ODAD3: variants seen among roughly 807,000 people sequenced by gnomAD.
ODAD3 encodes the protein outer dynein arm-docking complex subunit 3.
ODAD3 carries 57 observed loss-of-function variants against 70.9 expected under a neutral mutation model. That is an observed-to-expected ratio of 0.80 (90% CI 0.65 to 1.00). The LOEUF is 1.00. ODAD3 is among the 50% of genes least tolerant of loss of function. ODAD3 has a pLI of 0.00. For missense variants in ODAD3, 797 were observed against 763.9 expected, an observed-to-expected ratio of 1.04 and a Z score of -0.51; for synonymous variants, 327 against 315.9, an observed-to-expected ratio of 1.04 and a Z score of -0.37.
chr19:11,434,205 CCT>C (rs1334110352), intron 1 of ODAD3, among the ~76,000 whole-genome samples: 1 of 147,668 alleles, frequency 6.8e-6, no homozygotes, highest in Admixed American at 6.7e-5. Flanking sequence ...AGAGCAAGAC[CCT>C]GTCTCAAAAA....
At position 11,430,576 on chromosome 19, in the gene ODAD3, AT is replaced by A. The variant is rs1257577710; in HGVS notation, c.444+122del. 57 of 896,728 alleles carry A rather than the reference AT, an allele frequency of 6.4e-5. No homozygotes were observed. In the Admixed American group the frequency reaches 1.0e-3, roughly 16 times the overall value. 55.5% of individuals were successfully genotyped at this position (896,728 alleles called of 1,614,324 possible). On this transcript the variant is annotated intron_variant, in intron 3 of 12. Coordinates refer to ENST00000356392, the MANE Select transcript of ODAD3 (RefSeq NM_145045.5). ...AAGGAAAGTGAGTAATAAAGATTTA[AT>A]TGAATGAGCACATGAATGGCAGCTA...
chr19:11,423,467 C>T (rs1028106651), intron 8 of ODAD3, among the ~76,000 whole-genome samples: 1 of 152,112 alleles, frequency 6.6e-6, no homozygotes, highest in Non-Finnish European at 1.5e-5. Flanking sequence ...GTGAGGGACC[C>T]GGCGCAGGGA....
In ODAD3 at chr19:11,426,975, C is replaced by G; in HGVS notation, c.510G>C (p.Gln170His). ...KVKQQNALRH[Q>H]VVLRQRRLEE... ...CCAGCCGCCTCTGCCGCAACACCAC[C>G]TGGTGCCGCAGGGCGTTCTGCTGCT... Residue 170 changes from glutamine (Q) to histidine (H), a missense_variant, in exon 4 of 13, where the codon CAG (glutamine) becomes CAC (histidine). By Grantham distance (24) the Gln-to-His change is conservative. Transcript: ENST00000356392. 1 of 1,607,822 alleles carries G rather than the reference C, an allele frequency of 6.2e-7. No homozygotes were observed. Among genetic ancestry groups the G allele is most frequent in the Non-Finnish European group, 8.5e-7 (1 of 1,179,652 alleles).
At position 11,422,453 on chromosome 19, in the gene ODAD3, C is replaced by T; in HGVS notation, c.1434+18G>A. ...GTCCCAGGAGGGCCTGTCGGGGCTT[C>T]CCCTGGGCGGGGCCTACCACAGTGA... is the stretch of plus-strand genomic sequence containing the variant. On this transcript the variant is annotated intron_variant, in intron 10 of 12. Coordinates refer to ENST00000356392, the MANE Select transcript of ODAD3 (RefSeq NM_145045.5). This position sits in a 1 kb window ranked among gnomAD's most constrained non-coding sequence, Gnocchi z 4.6. 1 of 1,555,624 alleles carries T rather than the reference C, an allele frequency of 6.4e-7. No individual in the cohort carries two copies. The highest frequency in any genetic ancestry group is 8.7e-7 in the Non-Finnish European group (1 of 1,148,692).
At chr19:11,431,663 G>A (rs865818058) in intron 1 of ODAD3, among the ~76,000 whole-genome samples, 5 of 151,516 alleles carry the variant, frequency 3.3e-5, no homozygotes, top group South Asian at 2.1e-4. Flanking sequence ...GGCCGGGCAC[G>A]GTGGCTCACG....
intron 7 of ODAD3, among the ~76,000 whole-genome samples, chr19:11,425,485 A>T (rs935068134): frequency 7.9e-5 from 11 of 139,190 alleles, no homozygotes; most frequent in Admixed American, 1.5e-4. Context: ...ATATGTGTGT[A>T]TATATGTATA....
intron 1 of ODAD3, among the ~76,000 whole-genome samples, chr19:11,433,093 C>T (rs1311105550): frequency 6.6e-6 from 1 of 152,126 alleles, no homozygotes; most frequent in Non-Finnish European, 1.5e-5. Flanking sequence ...CTCGCCCAGC[C>T]ATGATTACCT....
intron 3 of ODAD3, among the ~76,000 whole-genome samples, chr19:11,430,217 A>C (rs1267963655): frequency 6.6e-6 from 1 of 151,904 alleles, no homozygotes; most frequent in Non-Finnish European, 1.5e-5. Context: ...GGCTCACTGC[A>C]ACCTCTGCCT....
intron 3 of ODAD3, 151 bp downstream of exon 3, chr19:11,430,548 T>C: frequency 5.3e-6 from 4 of 758,598 alleles, no homozygotes; most frequent in Non-Finnish European, 9.1e-6. Context: ...GGATGCCAGA[T>C]ACAAGGAAAG....
intron 7 of ODAD3, among the ~76,000 whole-genome samples, chr19:11,425,816 G>GCAA (rs1156894491): frequency 6.6e-6 from 1 of 151,666 alleles, no homozygotes; most frequent in Non-Finnish European, 1.5e-5. Flanking sequence ...AGGGCCTTAG[G>GCAA]CAACGGTTGG....
chr19:11,431,113 C>CA, intron 1 of ODAD3, 93 bp from the exon 2 acceptor site: 1 of 1,255,664 alleles, frequency 8.0e-7, no homozygotes, highest in Non-Finnish European at 1.1e-6. Flanking sequence ...CAATCATCAA[C>CA]TTTTTTTTTT....
At chr19:11,425,435 GTA>G (rs1360496708) in intron 7 of ODAD3, among the ~76,000 whole-genome samples, 4 of 139,548 alleles carry the variant, frequency 2.9e-5, no homozygotes, top group African/African-American at 1.1e-4. Context: ...ACACATATGT[GTA>G]TATGTATATA....
chr19:11,435,672 G>A (rs1969680383), upstream of ODAD3: 1 of 1,301,624 alleles, frequency 7.7e-7, no homozygotes, highest in Non-Finnish European at 1.0e-6. Flanking sequence ...GGACAAGAGG[G>A]GTGCGGTGGA....
rs141756170 is a variant in ODAD3, at chr19:11,422,931, C to T, written c.1117-70G>A. 4.6e-5 allele frequency: 71 copies of T among 1,531,416 alleles called. No individual in the cohort carries two copies. The African/African-American group carries it at 8.6e-4, about 19-fold the overall frequency. The allele number at this position is 1,531,416 out of a possible 1,614,324, so 94.9% of individuals were successfully genotyped here. A position where few individuals can be genotyped will look rare whatever the true frequency, so the allele number is the denominator to read the frequency against. Reference sequence around the variant, plus strand: ...TAGGGGCGCTCCACCTCCTCTCCCCCACCCTGCGAACCCTCGCACGCAGGA... The same window carrying T: ...TAGGGGCGCTCCACCTCCTCTCCCCTACCCTGCGAACCCTCGCACGCAGGA... On this transcript the variant is annotated intron_variant, in intron 8 of 12. Transcript: ENST00000356392. This position sits in a 1 kb window ranked among gnomAD's most constrained non-coding sequence, Gnocchi z 4.6.
chr19:11,434,685 C>A, intron 1 of ODAD3, 88 bp downstream of exon 1: 7 of 1,498,934 alleles, frequency 4.7e-6, no homozygotes, highest in Non-Finnish European at 6.3e-6. Flanking sequence ...TACCTAGACT[C>A]ATGCTGGAGA....
In ODAD3 at chr19:11,434,823, G is replaced by A. The variant is rs2144790662; in HGVS notation, c.194C>T (p.Pro65Leu). 9.3e-6 allele frequency: 15 copies of A among 1,614,148 alleles called. No homozygotes were observed. The highest frequency in any genetic ancestry group is 1.3e-5 in the Non-Finnish European group (15 of 1,180,014). Residue 65 changes from proline (P) to leucine (L), a missense_variant, in exon 1 of 13, where the codon CCC (proline) becomes CTC (leucine). Transcript: ENST00000356392. ...CTCAGCCACCTGAGAGTGCACAGAG[G>A]GCTTCCCTGCACCTCTGTGGAAGGA... The part of the protein sequence containing the change: ...GGSFHRGAGK[P>L]SVHSQVAELH...
chr19:11,425,949 G>A (rs1184872845), intron 7 of ODAD3, among the ~76,000 whole-genome samples, 195 bp downstream of exon 7: 1 of 151,038 alleles, frequency 6.6e-6, no homozygotes, highest in African/African-American at 2.4e-5. Flanking sequence ...CAGTCGCTTA[G>A]GAGGGGAGGG....
intron 3 of ODAD3, among the ~76,000 whole-genome samples, chr19:11,427,483 CTTT>C (rs376645668): frequency 1.3e-4 from 14 of 108,404 alleles, no homozygotes; most frequent in Admixed American, 2.0e-4. Flanking sequence ...GTTTTCTTTT[CTTT>C]TTTTTTTTTT....
chr19:11,425,531 ATATG>A (rs1322142817), intron 7 of ODAD3, among the ~76,000 whole-genome samples: 1 of 142,250 alleles, frequency 7.0e-6, no homozygotes, highest in Non-Finnish European at 1.5e-5. Flanking sequence ...ATATATGTAT[ATATG>A]TGTGTATGTA....
Sources: gnomAD v4.1 joint callset for allele counts (sites outside exome capture counted in the v4.1 genomes callset) on GRCh38, gnomAD v4.1.1 for gene constraint, Gnocchi (gnomAD v3.1) non-coding constraint, MANE v1.5 for transcripts, NCBI Gene and HGNC (gene_info 2026-07-23, HGNC 2026-07-21) for gene names.